MAP6: variants seen among roughly 807,000 people sequenced by gnomAD.
MAP6 encodes the protein microtubule associated protein 6, also known as microtubule-associated protein 6.
A neutral mutation model predicts 42.4 loss-of-function variants in MAP6; 26 were observed. The ratio of observed to expected loss-of-function variants is 0.61; its 90% confidence interval spans 0.45 to 0.85. The LOEUF (loss-of-function observed/expected upper bound fraction) is 0.85. Among genes scored for constraint, MAP6 ranks in the 40% least tolerant of loss-of-function variants. The probability of loss-of-function intolerance (pLI) is 0.00; values close to 1 mark genes in which losing one functional copy is unlikely to be tolerated. For synonymous variants in MAP6, 418 were observed against 443.8 expected (o/e 0.94, Z 0.73); for missense variants, 966 against 1,099.0 (o/e 0.88, Z 1.71).
At chr11:75,617,637 T>C (rs963738884) in intron 1 of MAP6, among the ~76,000 whole-genome samples, 2 of 145,082 alleles carry the variant, frequency 1.4e-5, no homozygotes, top group African/African-American at 5.2e-5. Context: ...TGGTGCAAAA[T>C]AAGAAAACTT....
rs577970323 is a variant in MAP6 at position 75,624,092 on chromosome 11, CTT to C, written c.906-15772_906-15771del. Among the ~76,000 whole-genome samples, 5 of 152,320 alleles carry C rather than the reference CTT, an allele frequency of 3.3e-5. No individual in the cohort carries two copies. In the East Asian group the frequency reaches 9.7e-4, roughly 29 times the overall value. On this transcript the variant is annotated intron_variant, in intron 1 of 3. Coordinates refer to ENST00000304771, the MANE Select transcript of MAP6 (RefSeq NM_033063.2). ...AACCTTCTCTGGCTTCGATATCTCT[CTT>C]TCTTTTCACATTGTAATTTTACTTT... is the stretch of plus-strand genomic sequence containing the variant.
chr11:75,601,937 G>A (rs1942670427), intron 3 of MAP6, among the ~76,000 whole-genome samples: 1 of 151,442 alleles, frequency 6.6e-6, no homozygotes, highest in African/African-American at 2.4e-5. Flanking sequence ...CCTGATCCAT[G>A]GAACCAGCTA....
intron 1 of MAP6, among the ~76,000 whole-genome samples, chr11:75,639,896 G>A (rs1468902384): frequency 2.6e-5 from 4 of 152,158 alleles, no homozygotes; most frequent in Non-Finnish European, 5.9e-5. Flanking sequence ...GTGCCCAAGC[G>A]CTAGCTTGGC....
chr11:75,605,856 T>C lies in MAP6; in HGVS notation c.1268A>G (p.Asp423Gly), dbSNP rs139467310. The C allele has an allele frequency of 5.5e-4, 882 of 1,614,064 alleles. 1 individual carries two copies. Among genetic ancestry groups the C allele is most frequent in the Non-Finnish European group, 4.7e-4 (553 of 1,180,048 alleles). ...AEGPSTTKPD[D>G]KEQSKEMNNK... ...GTTCATCTCTTTGCTTTGCTCCTTG[T>C]CGTCTGGCTTGGTGGTACTCGGGCC... The change falls in exon 3 of 4, where the codon GAC (aspartate) becomes GGC (glycine). Residue 423 changes from aspartate (D) to glycine (G), a missense_variant. Asp to Gly is a moderately conservative substitution (Grantham distance 94, BLOSUM62 -1). Around this residue, in one of 2 missense-constraint regions of MAP6, gnomAD observed 943 missense variants for 1,049.9 expected, o/e 0.90. Coordinates refer to ENST00000304771, the MANE Select transcript of MAP6 (RefSeq NM_033063.2).
At chr11:75,609,944 A>T (rs1942860296) in intron 1 of MAP6, among the ~76,000 whole-genome samples, 1 of 152,260 alleles carries the variant, frequency 6.6e-6, no homozygotes. Context: ...CTCTGCCCTC[A>T]TGAATGATTT....
At chr11:75,605,355 A>C in intron 3 of MAP6, 2 of 986,814 alleles carry the variant, frequency 2.0e-6, no homozygotes, top group Non-Finnish European at 2.4e-6. Flanking sequence ...GCCCAGGCTG[A>C]GCTTCTGTGG....
intron 1 of MAP6, among the ~76,000 whole-genome samples, chr11:75,652,751 A>G (rs1322641314): frequency 2.0e-5 from 3 of 151,510 alleles, no homozygotes; most frequent in Non-Finnish European, 4.4e-5. Flanking sequence ...AGGCAGGAGG[A>G]TCGCTTGAAT....
chr11:75,611,714 A>G (rs1942900721), intron 1 of MAP6, among the ~76,000 whole-genome samples: 1 of 152,280 alleles, frequency 6.6e-6, no homozygotes, highest in Admixed American at 6.5e-5. Flanking sequence ...ATTACGTCAT[A>G]GAAAGAAAAT....
At chr11:75,588,750 T>A (rs575150170) in intron 3 of MAP6, among the ~76,000 whole-genome samples, 1 of 152,164 alleles carries the variant, frequency 6.6e-6, no homozygotes, top group Non-Finnish European at 1.5e-5. Context: ...GGAATGCCCC[T>A]CTCTCCCTCT....
intron 3 of MAP6, chr11:75,604,434 C>T (rs1942720410): frequency 1.0e-6 from 1 of 985,316 alleles, no homozygotes. Context: ...AAGAGCAAGC[C>T]TGCGCCGGGG....
chr11:75,592,810 G>A (rs1942504844), intron 3 of MAP6, among the ~76,000 whole-genome samples: 1 of 152,144 alleles, frequency 6.6e-6, no homozygotes, highest in Admixed American at 6.6e-5. Flanking sequence ...CACCTAGCTG[G>A]CCAATCTACC....
intron 3 of MAP6, among the ~76,000 whole-genome samples, chr11:75,601,568 C>T (rs1018595079): frequency 6.6e-6 from 1 of 152,054 alleles, no homozygotes; most frequent in Non-Finnish European, 1.5e-5. Flanking sequence ...TAAAAGTCCA[C>T]CCTAGGGCTC....
chr11:75,648,802 G>T (rs1269769411), intron 1 of MAP6, among the ~76,000 whole-genome samples: 1 of 152,140 alleles, frequency 6.6e-6, no homozygotes, highest in Non-Finnish European at 1.5e-5. Context: ...CACAGAAGAA[G>T]AAATGCAAAT....
At chr11:75,617,207 T>G (rs916022723) in intron 1 of MAP6, among the ~76,000 whole-genome samples, 1 of 152,090 alleles carries the variant, frequency 6.6e-6, no homozygotes, top group African/African-American at 2.4e-5. Context: ...TGAGGATGGA[T>G]AGTTAAAAAT....
At chr11:75,657,125 T>C (rs1288221573) in intron 1 of MAP6, among the ~76,000 whole-genome samples, 2 of 151,594 alleles carry the variant, frequency 1.3e-5, no homozygotes, top group African/African-American at 2.4e-5. Context: ...TTTTTTTTTT[T>C]TTTTGAGACG....
At position 75,587,272 on chromosome 11, in the gene MAP6, A is replaced by G; in HGVS notation, c.2229T>C (p.Pro743=). 1 of 1,614,144 alleles carries G rather than the reference A, an allele frequency of 6.2e-7. No homozygotes were observed. The highest frequency in any genetic ancestry group is 8.5e-7 in the Non-Finnish European group (1 of 1,180,000). ...QPPKNQGRIV[P]EPLKNQVPIV... is the part of the protein sequence containing the mutation. ...TAGGAACTTGATTCTTCAGAGGTTC[A>G]GGGACTATACGACCTTGATTCTTTG... Residue 743 remains proline (P), a synonymous_variant, in exon 4 of 4, where the codon CCT becomes CCC. Transcript: ENST00000304771.
At chr11:75,596,692 G>A (rs567105978) in intron 3 of MAP6, 11 of 152,468 alleles carry the variant, frequency 7.2e-5, no homozygotes, top group East Asian at 1.9e-4. Flanking sequence ...CACTGAGTCC[G>A]CCAGATGTGG....
At chr11:75,655,694 G>T (rs1251601289) in intron 1 of MAP6, among the ~76,000 whole-genome samples, 1 of 152,244 alleles carries the variant, frequency 6.6e-6, no homozygotes, top group Non-Finnish European at 1.5e-5. Context: ...GCTTAGCAGA[G>T]TTGGGGCCAG....
intron 1 of MAP6, among the ~76,000 whole-genome samples, chr11:75,616,654 TCTC>T (rs1302566588): frequency 6.6e-6 from 1 of 152,158 alleles, no homozygotes; most frequent in African/African-American, 2.4e-5. Context: ...AGAGCTTCTG[TCTC>T]CTTTTAGAAG....
Sources: gnomAD v4.1 joint callset for allele counts (sites outside exome capture counted in the v4.1 genomes callset) on GRCh38, gnomAD v4.1.1 for gene constraint, gnomAD v4.1.1 regional missense constraint, MANE v1.5 for transcripts, NCBI Gene and HGNC (gene_info 2026-07-23, HGNC 2026-07-21) for gene names.